Variants in TMEM74 observed in about 807,000 individuals in gnomAD.
TMEM74 encodes the protein transmembrane protein 74.
Under a neutral mutation model 18.1 loss-of-function variants are expected in TMEM74, and 13 were observed. The observed-to-expected ratio is 0.72, with a 90% CI of 0.47 to 1.14. The LOEUF (loss-of-function observed/expected upper bound fraction) is 1.14. Ranked by LOEUF, TMEM74 falls within the 50% of genes most tolerant of loss-of-function variation. The pLI is 0.00. For synonymous variants in TMEM74, 159 were observed against 146.6 expected (o/e 1.08, Z -0.61); for missense variants, 372 against 375.9 (o/e 0.99, Z 0.09).
chr8:108,748,735 G>T (rs2935785), intron 1 of TMEM74, among the ~76,000 whole-genome samples: 1 of 149,078 alleles, frequency 6.7e-6, no homozygotes, highest in African/African-American at 2.5e-5. Context: ...TGGGTTTTAC[G>T]TTTAAGTCTT....
chr8:108,630,888 A>G (rs1337914952), intron 2 of TMEM74, among the ~76,000 whole-genome samples: 11 of 152,022 alleles, frequency 7.2e-5, no homozygotes, highest in Admixed American at 7.2e-4. Flanking sequence ...CACAGGAGTC[A>G]TGAGTCTACC....
chr8:108,730,152 A>G (rs1440771034), intron 1 of TMEM74, among the ~76,000 whole-genome samples: 1 of 152,208 alleles, frequency 6.6e-6, no homozygotes, highest in African/African-American at 2.4e-5. Context: ...TCTTTCTGTA[A>G]CTTAACTTTT....
At chr8:108,674,002 T>G (rs1813029575) in intron 1 of TMEM74, among the ~76,000 whole-genome samples, 2 of 152,198 alleles carry the variant, frequency 1.3e-5, no homozygotes, top group Non-Finnish European at 2.9e-5. Flanking sequence ...TTAAACATTT[T>G]GTTAGATATG....
intron 1 of TMEM74, among the ~76,000 whole-genome samples, chr8:108,664,470 T>C (rs1275696828): frequency 6.6e-6 from 1 of 152,176 alleles, no homozygotes; most frequent in Non-Finnish European, 1.5e-5. Context: ...TTTTGTACAT[T>C]GATTACATTG....
At chr8:108,773,666 G>A (rs893482528) in intron 1 of TMEM74, among the ~76,000 whole-genome samples, 7 of 152,132 alleles carry the variant, frequency 4.6e-5, no homozygotes, top group Admixed American at 3.3e-4. Context: ...CTCCTCAGGG[G>A]ACCCAGCAGC....
exon 4 of TMEM74, chr8:108,607,493 T>C (rs1812288043): frequency 6.6e-6 from 1 of 152,222 alleles, no homozygotes; most frequent in South Asian, 2.1e-4. Flanking sequence ...TGGTCTCTGG[T>C]CCACCTGATA....
chr8:108,669,776 G>A (rs142727684), intron 1 of TMEM74, among the ~76,000 whole-genome samples: 4,352 of 152,152 alleles, frequency 0.029, 94 homozygotes, highest in Non-Finnish European at 0.045. Flanking sequence ...GGTGGCTCAC[G>A]CCAGTAATCC....
At chr8:108,707,676 G>A (rs994644402) in intron 1 of TMEM74, among the ~76,000 whole-genome samples, 1 of 151,952 alleles carries the variant, frequency 6.6e-6, no homozygotes, top group Admixed American at 6.6e-5. Context: ...ACTTTACATC[G>A]CACACAAAAA....
intron 1 of TMEM74, among the ~76,000 whole-genome samples, chr8:108,682,927 T>C (rs1363800591): frequency 6.6e-6 from 1 of 151,886 alleles, no homozygotes; most frequent in Non-Finnish European, 1.5e-5. Flanking sequence ...TTAGCCTTTG[T>C]TTTCTTTAGT....
chr8:108,629,090 G>A (rs1812524855), intron 2 of TMEM74, among the ~76,000 whole-genome samples: 1 of 151,838 alleles, frequency 6.6e-6, no homozygotes, highest in Non-Finnish European at 1.5e-5. Flanking sequence ...TAGATTGCCT[G>A]TCCATTCTGA....
At chr8:108,775,632 T>C (rs1814225603), downstream of TMEM74, among the ~76,000 whole-genome samples, 1 of 152,238 alleles carries the variant, frequency 6.6e-6, no homozygotes, top group Admixed American at 6.5e-5. Context: ...AAAAACAGCT[T>C]TGACCTTATA....
intron 2 of TMEM74, among the ~76,000 whole-genome samples, chr8:108,616,196 G>T (rs1275245656): frequency 6.6e-6 from 1 of 152,156 alleles, no homozygotes; most frequent in Non-Finnish European, 1.5e-5. Flanking sequence ...TGGCAGTACT[G>T]CCAGCAGCTG....
intron 1 of TMEM74, among the ~76,000 whole-genome samples, chr8:108,748,702 G>T (rs1482681532): frequency 6.7e-6 from 1 of 148,192 alleles, no homozygotes; most frequent in African/African-American, 2.5e-5. Context: ...TTTTTTAATA[G>T]GTTTTTTCTT....
chr8:108,751,298 T>A (rs757989937), intron 1 of TMEM74, among the ~76,000 whole-genome samples: 5 of 152,084 alleles, frequency 3.3e-5, no homozygotes, highest in Non-Finnish European at 7.4e-5. Context: ...GAGGCCGAGG[T>A]CCAGTATTTC....
At chr8:108,675,413 G>A (rs1813047147) in intron 1 of TMEM74, among the ~76,000 whole-genome samples, 1 of 152,174 alleles carries the variant, frequency 6.6e-6, no homozygotes, top group East Asian at 1.9e-4. Context: ...TACTGGCCTT[G>A]ATCAGCTGCC....
At chr8:108,614,863 A>G (rs1370333748) in intron 2 of TMEM74, among the ~76,000 whole-genome samples, 1 of 152,130 alleles carries the variant, frequency 6.6e-6, no homozygotes, top group Admixed American at 6.5e-5. Flanking sequence ...AAACAAACAA[A>G]ATACAATAAT....
intron 2 of TMEM74, among the ~76,000 whole-genome samples, chr8:108,643,382 G>T (rs769780982): frequency 2.1e-4 from 32 of 152,144 alleles, no homozygotes; most frequent in Non-Finnish European, 4.6e-4. Context: ...GCTAAACTCT[G>T]CAATCTCATT....
chr8:108,702,214 G>A (rs1813342773), intron 1 of TMEM74, among the ~76,000 whole-genome samples: 1 of 151,604 alleles, frequency 6.6e-6, no homozygotes, highest in Non-Finnish European at 1.5e-5. Flanking sequence ...TGTGGTGGTG[G>A]GCACCTGTAA....
intron 2 of TMEM74, chr8:108,652,992 C>G: frequency 4.4e-6 from 1 of 228,696 alleles, no homozygotes; most frequent in South Asian, 5.7e-5. Flanking sequence ...TCTGGAAAGC[C>G]TTGTGTTCCC....
Sources: allele counts gnomAD v4.1 joint callset (sites outside exome capture counted in the v4.1 genomes callset), GRCh38; gene constraint gnomAD v4.1.1; transcripts MANE v1.5; gene names NCBI Gene and HGNC (gene_info 2026-07-23, HGNC 2026-07-21).